KSR1: variants seen among roughly 807,000 people sequenced by gnomAD.
KSR1 encodes the protein kinase suppressor of ras 1, also known as kinase suppressor of ras.
In KSR1, 35 loss-of-function variants were observed where a neutral mutation model predicts 92.9. That is an observed-to-expected ratio of 0.38 (90% CI 0.29 to 0.50). The LOEUF (loss-of-function observed/expected upper bound fraction) is 0.50. KSR1 is among the 20% of genes least tolerant of loss of function. The pLI is 0.94. For missense variants in KSR1, 972 were observed against 1,158.5 expected (o/e 0.84, Z 2.34); for synonymous variants, 467 against 472.6 (o/e 0.99, Z 0.15).
intron 1 of KSR1, among the ~76,000 whole-genome samples, chr17:27,516,969 A>G (rs1227036140): frequency 1.3e-5 from 2 of 152,264 alleles, no homozygotes; most frequent in Non-Finnish European, 2.9e-5. Context: ...TTAACATCAC[A>G]TGACAGATAG....
Position 27,491,232 on chromosome 17 carries a change from C to A in KSR1, c.231+34358C>A, listed in dbSNP as rs557177507. ...CTCAAACTCCTGGGCTCAAGTGATC[C>A]TCTGGCCTTGGTCTCCTGAGTAGGT... On this transcript the variant is annotated intron_variant, in intron 1 of 20. Coordinates refer to ENST00000644974, the MANE Select transcript of KSR1 (RefSeq NM_001394583.1). Among the ~76,000 whole-genome samples, 8 of 151,768 alleles carry A rather than the reference C, an allele frequency of 5.3e-5. No homozygotes were observed. The South Asian group carries it at 1.7e-3, about 32-fold the overall frequency.
At chr17:27,612,039 T>A (rs1429331466) in intron 18 of KSR1, among the ~76,000 whole-genome samples, 1 of 152,246 alleles carries the variant, frequency 6.6e-6, no homozygotes, top group Non-Finnish European at 1.5e-5. Flanking sequence ...AATGTTTTTC[T>A]TGACTATTAA....
chr17:27,511,770 C>T (rs2069608908), intron 1 of KSR1, among the ~76,000 whole-genome samples: 1 of 152,232 alleles, frequency 6.6e-6, no homozygotes, highest in Admixed American at 6.5e-5. Flanking sequence ...CAGGGTCAGA[C>T]TCCTCTGCAT....
chr17:27,549,688 C>T (rs865811882), intron 1 of KSR1, among the ~76,000 whole-genome samples: 2 of 151,880 alleles, frequency 1.3e-5, no homozygotes, highest in African/African-American at 2.4e-5. Context: ...ACTGGGAATC[C>T]GAGTCCAGGA....
At chr17:27,585,986 T>C in intron 5 of KSR1, 1 of 390,930 alleles carries the variant, frequency 2.6e-6, no homozygotes, top group Non-Finnish European at 4.6e-6. Flanking sequence ...TCTGGCCTGC[T>C]GGGCTGCCAC....
intron 17 of KSR1, 196 bp from the exon 18 acceptor site, chr17:27,611,298 A>G: frequency 1.6e-6 from 1 of 617,160 alleles, no homozygotes; most frequent in Non-Finnish European, 2.8e-6. Flanking sequence ...TTCCCACCCA[A>G]CGAGAGCACA....
intron 1 of KSR1, among the ~76,000 whole-genome samples, chr17:27,485,929 G>C (rs1263296804): frequency 6.6e-6 from 1 of 152,210 alleles, no homozygotes; most frequent in African/African-American, 2.4e-5. Flanking sequence ...CTTAGCTACA[G>C]AGCTGCTATA....
intron 18 of KSR1, among the ~76,000 whole-genome samples, chr17:27,611,879 T>C (rs1015822908): frequency 2.0e-5 from 3 of 152,166 alleles, no homozygotes; most frequent in Non-Finnish European, 4.4e-5. Flanking sequence ...CTTTTTTTTT[T>C]CTTAAAGATA....
At chr17:27,513,563 C>T (rs921071023) in intron 1 of KSR1, among the ~76,000 whole-genome samples, 2 of 152,198 alleles carry the variant, frequency 1.3e-5, no homozygotes, top group Non-Finnish European at 2.9e-5. Context: ...TCATATTAAC[C>T]TTGTAAGCCG....
chr17:27,545,016 A>T (rs1475122387), intron 1 of KSR1, among the ~76,000 whole-genome samples: 5 of 152,342 alleles, frequency 3.3e-5, no homozygotes, highest in South Asian at 2.1e-4. Flanking sequence ...GTTCTGGGAG[A>T]TAGCAGCTGC....
chr17:27,518,778 A>G (rs2945411), intron 1 of KSR1, among the ~76,000 whole-genome samples: 1 of 152,204 alleles, frequency 6.6e-6, no homozygotes, highest in Admixed American at 6.5e-5. Context: ...CTCCCTCTCC[A>G]CCAAAGGCAT....
intron 1 of KSR1, among the ~76,000 whole-genome samples, chr17:27,487,587 A>T (rs76577478): frequency 0.066 from 1,049 of 15,958 alleles, 12 homozygotes; most frequent in East Asian, 0.12. Context: ...CATCTCTTTT[A>T]AAAAAAAAAA....
intron 2 of KSR1, among the ~76,000 whole-genome samples, chr17:27,572,655 T>G (rs1891463113): frequency 6.6e-6 from 1 of 152,238 alleles, no homozygotes; most frequent in Admixed American, 6.5e-5. Flanking sequence ...CGAGTTCACC[T>G]TCAGCAGGTG....
intron 2 of KSR1, among the ~76,000 whole-genome samples, chr17:27,569,989 G>T (rs1463939018): frequency 3.3e-5 from 5 of 152,202 alleles, no homozygotes; most frequent in Admixed American, 3.3e-4. Context: ...GGGTGCAGCT[G>T]GAAGCTAGAT....
chr17:27,603,704 T>C (rs2241905), intron 11 of KSR1, 130 bp from the exon 12 acceptor site: 121,625 of 880,132 alleles, frequency 0.14, 9,662 homozygotes, highest in Admixed American at 0.26. Context: ...TGTGGGAGTG[T>C]CTGGGGAACA....
At chr17:27,473,671 G>A (rs773038256) in intron 1 of KSR1, among the ~76,000 whole-genome samples, 3 of 152,140 alleles carry the variant, frequency 2.0e-5, no homozygotes, top group Non-Finnish European at 4.4e-5. Flanking sequence ...TAGGCACAGC[G>A]GTATTTTAAA....
chr17:27,512,694 G>C (rs779118485), intron 1 of KSR1, among the ~76,000 whole-genome samples: 1 of 152,206 alleles, frequency 6.6e-6, no homozygotes, highest in Admixed American at 6.5e-5. Flanking sequence ...CTGCACTCCA[G>C]CTTGGGCAAC....
intron 1 of KSR1, among the ~76,000 whole-genome samples, chr17:27,541,913 C>T (rs929267095): frequency 6.6e-6 from 1 of 152,226 alleles, no homozygotes; most frequent in African/African-American, 2.4e-5. Flanking sequence ...ATCCCTGAGC[C>T]AGTGAGTGAG....
chr17:27,561,549 T>C (rs2071830432), intron 2 of KSR1, among the ~76,000 whole-genome samples: 1 of 152,182 alleles, frequency 6.6e-6, no homozygotes, highest in Non-Finnish European at 1.5e-5. Flanking sequence ...GGGGAAGGGA[T>C]GAAGCATGGT....
Sources: allele counts gnomAD v4.1 joint callset (sites outside exome capture counted in the v4.1 genomes callset), GRCh38; gene constraint gnomAD v4.1.1; transcripts MANE v1.5; gene names NCBI Gene and HGNC (gene_info 2026-07-23, HGNC 2026-07-21).